SLIT3: variants seen among roughly 807,000 people sequenced by gnomAD.
The protein encoded by SLIT3 is slit guidance ligand 3.
In SLIT3, 68 loss-of-function variants were observed where a neutral mutation model predicts 184.0. The ratio of observed to expected loss-of-function variants is 0.37; its 90% CI spans 0.30 to 0.45. SLIT3 has a LOEUF of 0.45. Among genes scored for constraint, SLIT3 ranks in the 20% least tolerant of loss-of-function variants. SLIT3 has a pLI of 1.00. For missense variants in SLIT3, 1,707 were observed against 2,026.0 expected, an observed-to-expected ratio of 0.84 and a Z score of 3.02; for synonymous variants, 831 against 828.6, an observed-to-expected ratio of 1.00 and a Z score of -0.05.
Position 169,030,180 on chromosome 5 carries a change from G to C in SLIT3, c.414-146844C>G, listed in dbSNP as rs557321240. On this transcript the variant is annotated intron_variant, in intron 4 of 35. Transcript: ENST00000519560. Reference sequence around the variant, plus strand: ...TTCTTGATACTTCTTTGCTATTCTGGGCAGCCTTCCCTGACGACTTTCTGA... The same window carrying C: ...TTCTTGATACTTCTTTGCTATTCTGCGCAGCCTTCCCTGACGACTTTCTGA... 4.4e-4 allele frequency among the ~76,000 whole-genome samples: 67 copies of C among 152,220 alleles called. 3 individuals carry two copies. The South Asian group carries it at 0.013, about 30-fold the overall frequency.
intron 10 of SLIT3, chr5:168,790,627 G>A (rs1172715213): frequency 6.6e-6 from 1 of 152,186 alleles, no homozygotes; most frequent in South Asian, 2.1e-4. Context: ...AACCTCTCCA[G>A]TTCCTTTTCT....
intron 20 of SLIT3, among the ~76,000 whole-genome samples, chr5:168,742,515 C>T (rs1162355028): frequency 8.4e-6 from 1 of 118,362 alleles, no homozygotes; most frequent in African/African-American, 3.5e-5. Context: ...TCACCACGGC[C>T]TTTGAGACAT....
At chr5:169,051,741 C>T (rs1049351690) in intron 4 of SLIT3, among the ~76,000 whole-genome samples, 1 of 152,176 alleles carries the variant, frequency 6.6e-6, no homozygotes, top group Non-Finnish European at 1.5e-5. Context: ...GTTTCCACTG[C>T]ATTCCAAGGA....
intron 4 of SLIT3, among the ~76,000 whole-genome samples, chr5:169,068,654 A>G (rs555689157): frequency 6.6e-6 from 1 of 152,282 alleles, no homozygotes; most frequent in East Asian, 1.9e-4. Flanking sequence ...GAAAAGGACA[A>G]TGTTCCCAAC....
intron 4 of SLIT3, among the ~76,000 whole-genome samples, chr5:168,925,051 T>G (rs1761770593): frequency 6.6e-6 from 1 of 152,168 alleles, no homozygotes; most frequent in South Asian, 2.1e-4. Context: ...CTAGGAGTGT[T>G]AGCTTGTTAT....
chr5:168,754,728 C>T (rs539641419), intron 16 of SLIT3, among the ~76,000 whole-genome samples: 9 of 152,262 alleles, frequency 5.9e-5, no homozygotes, highest in Admixed American at 1.3e-4. Flanking sequence ...CAAAATATCA[C>T]GTGTCCCATA....
intron 1 of SLIT3, among the ~76,000 whole-genome samples, chr5:169,269,399 T>C (rs1207702358): frequency 6.6e-6 from 1 of 152,220 alleles, no homozygotes; most frequent in Non-Finnish European, 1.5e-5. Context: ...TTTACTGACA[T>C]GAGAGGCCTC....
chr5:168,832,848 C>T (rs1205122869), intron 6 of SLIT3, among the ~76,000 whole-genome samples: 1 of 152,182 alleles, frequency 6.6e-6, no homozygotes, highest in African/African-American at 2.4e-5. Context: ...AATGAAACAC[C>T]TGGGGGCTGG....
At chr5:169,181,057 A>G (rs1369521155) in intron 4 of SLIT3, among the ~76,000 whole-genome samples, 2 of 152,160 alleles carry the variant, frequency 1.3e-5, no homozygotes, top group African/African-American at 4.8e-5. Context: ...TATCATCTCT[A>G]TGGACCAAAA....
At chr5:168,885,631 C>G (rs1331426456) in intron 4 of SLIT3, among the ~76,000 whole-genome samples, 1 of 152,192 alleles carries the variant, frequency 6.6e-6, no homozygotes, top group African/African-American at 2.4e-5. Context: ...CCAGGATTGG[C>G]TGCTCTCTCT....
chr5:168,818,698 T>TC (rs1240949336), intron 7 of SLIT3, among the ~76,000 whole-genome samples: 3 of 152,214 alleles, frequency 2.0e-5, no homozygotes, highest in African/African-American at 7.2e-5. Context: ...TCAAGCCCCC[T>TC]CCACGCCTGG....
At position 169,136,799 on chromosome 5, in the gene SLIT3, G is replaced by A. The variant is rs552792027; in HGVS notation, c.413+56680C>T. Among the ~76,000 whole-genome samples, 31 of 152,274 alleles carry A rather than the reference G, an allele frequency of 2.0e-4. No homozygotes were observed. In the South Asian group the frequency reaches 6.0e-3, roughly 30 times the overall value. On this transcript the variant is annotated intron_variant, in intron 4 of 35. Coordinates refer to ENST00000519560, the MANE Select transcript of SLIT3 (RefSeq NM_003062.4). ...TGTGTATGAGTTGAACCATTATAAC[G>A]CAAGGAGCAAGACTGGGGATCTGGG... is the stretch of plus-strand genomic sequence containing the variant.
chr5:169,162,596 A>G (rs2113395762), intron 4 of SLIT3, among the ~76,000 whole-genome samples: 1 of 152,340 alleles, frequency 6.6e-6, no homozygotes, highest in East Asian at 1.9e-4. Flanking sequence ...GCGCAAAGTT[A>G]TCCAACAGCA....
At chr5:169,246,699 C>A (rs867783756) in intron 2 of SLIT3, among the ~76,000 whole-genome samples, 7 of 151,932 alleles carry the variant, frequency 4.6e-5, no homozygotes, top group Middle Eastern at 3.4e-3. Flanking sequence ...GGCAGGTGGA[C>A]CAGGAGGTCA....
intron 4 of SLIT3, among the ~76,000 whole-genome samples, chr5:169,060,829 A>C (rs1314083079): frequency 6.6e-6 from 1 of 152,186 alleles, no homozygotes; most frequent in South Asian, 2.1e-4. Context: ...GTTTAGAAAA[A>C]TGAATGGCTG....
In SLIT3 at chr5:168,762,304, A is replaced by G. The variant is rs1755184197; in HGVS notation, c.1610+235T>C. The stretch of plus-strand genomic sequence containing the variant: ...TGGGCCTAGCATGATGCCGGCTCAC[A>G]GTAGGTGTTCAGAAAATATGTGTAG... On this transcript the variant is annotated intron_variant, in intron 15 of 35. Transcript: ENST00000519560. 2.0e-5 allele frequency among the ~76,000 whole-genome samples: 3 copies of G among 152,180 alleles called. No homozygotes were observed. The South Asian group carries it at 6.2e-4, about 32-fold the overall frequency.
chr5:169,229,642 T>TTCTCTCTCTCTC (rs60056409), intron 3 of SLIT3, among the ~76,000 whole-genome samples: 3,905 of 148,248 alleles, frequency 0.026, 74 homozygotes, highest in Non-Finnish European at 0.039. Context: ...AAATAAATTC[T>TTCTCTCTCTCTC]TCTCTCTCTC....
At chr5:169,142,795 T>C (rs1159532920) in intron 4 of SLIT3, among the ~76,000 whole-genome samples, 1 of 152,178 alleles carries the variant, frequency 6.6e-6, no homozygotes, top group Non-Finnish European at 1.5e-5. Flanking sequence ...TGTCAATAGC[T>C]CCAACTCAGG....
At chr5:168,982,192 T>C (rs932292666) in intron 4 of SLIT3, among the ~76,000 whole-genome samples, 5 of 152,252 alleles carry the variant, frequency 3.3e-5, no homozygotes, top group African/African-American at 7.2e-5. Context: ...ATGGTTTTTG[T>C]CCTGTCCACA....
Sources: allele counts gnomAD v4.1 joint callset (sites outside exome capture counted in the v4.1 genomes callset), GRCh38; gene constraint gnomAD v4.1.1; transcripts MANE v1.5; gene names NCBI Gene and HGNC (gene_info 2026-07-23, HGNC 2026-07-21).